Variants in IGFL2 observed in about 807,000 individuals in gnomAD.
The protein encoded by IGFL2 is IGF like family member 2.
In IGFL2, 7 loss-of-function variants were observed where a neutral mutation model predicts 13.9. The ratio of observed to expected loss-of-function variants is 0.51; its 90% CI spans 0.29 to 0.95. The LOEUF (loss-of-function observed/expected upper bound fraction) is 0.95. Ranked by LOEUF, IGFL2 falls within the 40% of genes least tolerant of loss-of-function variation. IGFL2 has a pLI of 0.08. For synonymous variants in IGFL2, 55 were observed against 55.8 expected (o/e 0.99, Z 0.07); for missense variants, 138 against 147.8 (o/e 0.93, Z 0.34).
chr19:46,138,483 G>C (rs969880770), upstream of IGFL2, among the ~76,000 whole-genome samples: 1 of 152,156 alleles, frequency 6.6e-6, no homozygotes, highest in Non-Finnish European at 1.5e-5. Context: ...CACAGCAGTG[G>C]GATCTTCACT....
At chr19:46,089,282 C>T in the IGFL2 span, among the ~76,000 whole-genome samples, 47 of 152,240 alleles carry the variant, frequency 3.1e-4, no homozygotes, top group Admixed American at 1.4e-3. Flanking sequence ...CTGCTCTGCA[C>T]CTTGTATTTT....
At chr19:46,163,362 C>G (rs1257390476), downstream of IGFL2, among the ~76,000 whole-genome samples, 1 of 152,154 alleles carries the variant, frequency 6.6e-6, no homozygotes, top group Non-Finnish European at 1.5e-5. Flanking sequence ...GTTTGCTTGT[C>G]TCCTGGGGGC....
At chr19:46,092,910 A>G in the IGFL2 span, among the ~76,000 whole-genome samples, 3 of 152,214 alleles carry the variant, frequency 2.0e-5, no homozygotes, top group Non-Finnish European at 4.4e-5. Flanking sequence ...GTTTTTGGGA[A>G]GTTTGATACT....
chr19:46,123,347 A>G, the IGFL2 span, among the ~76,000 whole-genome samples: 2 of 150,854 alleles, frequency 1.3e-5, no homozygotes, highest in Non-Finnish European at 2.9e-5. Context: ...ACTGACATTA[A>G]CTAATAAAAA....
At chr19:46,211,165 C>A in the IGFL2 span, among the ~76,000 whole-genome samples, 5 of 152,212 alleles carry the variant, frequency 3.3e-5, no homozygotes, top group Non-Finnish European at 5.9e-5. Context: ...AACCCTGGGG[C>A]CTCTCCTCCA....
chr19:46,188,606 C>G, the IGFL2 span, among the ~76,000 whole-genome samples: 1 of 152,148 alleles, frequency 6.6e-6, no homozygotes, highest in Non-Finnish European at 1.5e-5. Context: ...CCATAGTGTT[C>G]CCCGTGGGTT....
At chr19:46,114,202 G>A in the IGFL2 span, among the ~76,000 whole-genome samples, 2 of 152,252 alleles carry the variant, frequency 1.3e-5, no homozygotes, top group African/African-American at 2.4e-5. Flanking sequence ...TAGGAGCAAC[G>A]TAGGAAAGCC....
chr19:46,098,096 G>A, the IGFL2 span, among the ~76,000 whole-genome samples: 1 of 152,198 alleles, frequency 6.6e-6, no homozygotes, highest in South Asian at 2.1e-4. Flanking sequence ...GATATTGACA[G>A]TGGGTGTTAA....
At chr19:46,170,868 A>G in the IGFL2 span, among the ~76,000 whole-genome samples, 1 of 152,176 alleles carries the variant, frequency 6.6e-6, no homozygotes, top group African/African-American at 2.4e-5. Context: ...TTTATCAATG[A>G]CAATGTGTGC....
At chr19:46,111,887 A>G in the IGFL2 span, 1 of 152,240 alleles carries the variant, frequency 6.6e-6, no homozygotes, top group African/African-American at 2.4e-5. Context: ...ATTATGAAGT[A>G]TATCCATGTA....
At chr19:46,159,208 T>A (rs1973997401) in intron 1 of IGFL2, 1 of 152,260 alleles carries the variant, frequency 6.6e-6, no homozygotes, top group Non-Finnish European at 1.5e-5. Flanking sequence ...CTCCAAATAG[T>A]TCTCCAGGGA....
chr19:46,121,880 A>G, the IGFL2 span, among the ~76,000 whole-genome samples: 1 of 150,972 alleles, frequency 6.6e-6, no homozygotes, highest in Non-Finnish European at 1.5e-5. Context: ...GATAATGGTA[A>G]GGTTGCAGTG....
chr19:46,202,620 G>A, the IGFL2 span: 2 of 152,210 alleles, frequency 1.3e-5, no homozygotes, highest in Non-Finnish European at 2.9e-5. Flanking sequence ...GAATGTGGGT[G>A]AATAATCAGA....
chr19:46,176,999 C>G, the IGFL2 span, among the ~76,000 whole-genome samples: 1 of 152,182 alleles, frequency 6.6e-6, no homozygotes, highest in Non-Finnish European at 1.5e-5. Flanking sequence ...GCCCTTATCA[C>G]TTTATGTGGT....
the IGFL2 span, among the ~76,000 whole-genome samples, chr19:46,083,867 G>T: frequency 6.6e-6 from 1 of 152,134 alleles, no homozygotes; most frequent in Non-Finnish European, 1.5e-5. Flanking sequence ...CGGTTGTTTG[G>T]GAATAGTCAA....
the IGFL2 span, among the ~76,000 whole-genome samples, chr19:46,171,621 G>C: frequency 6.6e-6 from 1 of 152,176 alleles, no homozygotes; most frequent in South Asian, 2.1e-4. Flanking sequence ...GCTCTCAGCA[G>C]TCTCCTGTCT....
chr19:46,150,403 T>A (rs186554050), intron 1 of IGFL2, among the ~76,000 whole-genome samples: 8 of 152,344 alleles, frequency 5.3e-5, no homozygotes, highest in African/African-American at 1.7e-4. Context: ...CTTTTCTCTC[T>A]TGTGCTTTTG....
chr19:46,188,538 C>CA, the IGFL2 span, among the ~76,000 whole-genome samples: 2 of 152,180 alleles, frequency 1.3e-5, no homozygotes, highest in African/African-American at 2.4e-5. Flanking sequence ...ATCAGAAGCT[C>CA]AGTGTGTTCC....
chr19:46,086,470 C>T, the IGFL2 span, among the ~76,000 whole-genome samples: 14 of 152,148 alleles, frequency 9.2e-5, no homozygotes, highest in African/African-American at 2.2e-4. Context: ...ATTACAGGTG[C>T]GCACCACCAT....
Sources: allele counts gnomAD v4.1 joint callset (sites outside exome capture counted in the v4.1 genomes callset), GRCh38; gene constraint gnomAD v4.1.1; transcripts MANE v1.5; gene names NCBI Gene and HGNC (gene_info 2026-07-23, HGNC 2026-07-21).